Variants in PCSK2 observed in about 807,000 individuals in gnomAD.
PCSK2 encodes proprotein convertase subtilisin/kexin type 2, also known as neuroendocrine convertase 2.
A neutral mutation model predicts 69.7 loss-of-function variants in PCSK2; 14 were observed. The observed-to-expected ratio is 0.20, with a 90% CI of 0.13 to 0.31. The LOEUF is 0.31. PCSK2 is among the 10% of genes least tolerant of loss of function. PCSK2 has a pLI of 1.00. For missense variants in PCSK2, 544 were observed against 842.5 expected, an observed-to-expected ratio of 0.65 and a Z score of 4.39; for synonymous variants, 307 against 320.7, an observed-to-expected ratio of 0.96 and a Z score of 0.46.
At chr20:17,467,407 A>G (rs2123404250) in intron 11 of PCSK2, among the ~76,000 whole-genome samples, 1 of 152,362 alleles carries the variant, frequency 6.6e-6, no homozygotes, top group African/African-American at 2.4e-5. Context: ...TTGTCAGCAC[A>G]TTAAGTAAAA....
At chr20:17,247,621 G>A (rs1385750638) in intron 1 of PCSK2, among the ~76,000 whole-genome samples, 1 of 152,134 alleles carries the variant, frequency 6.6e-6, no homozygotes, top group African/African-American at 2.4e-5. Context: ...CTGTTCTGAG[G>A]GTTCTGAATC....
intron 8 of PCSK2, among the ~76,000 whole-genome samples, chr20:17,448,580 T>C (rs1201851141): frequency 6.6e-6 from 1 of 152,026 alleles, no homozygotes; most frequent in African/African-American, 2.4e-5. Context: ...CTGGGCAAAA[T>C]ACTGTTTTGT....
intron 2 of PCSK2, among the ~76,000 whole-genome samples, chr20:17,331,231 T>G (rs1990197565): frequency 6.6e-6 from 1 of 152,228 alleles, no homozygotes; most frequent in South Asian, 2.1e-4. Context: ...TCACACTTCC[T>G]TCATAAAGTA....
intron 2 of PCSK2, among the ~76,000 whole-genome samples, chr20:17,347,491 C>T (rs998924655): frequency 2.0e-5 from 3 of 152,104 alleles, no homozygotes; most frequent in African/African-American, 7.2e-5. Flanking sequence ...GGGTTTCTCG[C>T]TTGATGAGCT....
At chr20:17,303,490 TATTTA>T (rs1307240193) in intron 2 of PCSK2, among the ~76,000 whole-genome samples, 108 of 52,520 alleles carry the variant, frequency 2.1e-3, no homozygotes, top group Non-Finnish European at 3.2e-3. Flanking sequence ...ATATATATTA[TATTTA>T]ATATAATATA....
At chr20:17,355,224 C>A (rs968062300) in intron 2 of PCSK2, among the ~76,000 whole-genome samples, 2 of 152,200 alleles carry the variant, frequency 1.3e-5, no homozygotes, top group African/African-American at 4.8e-5. Context: ...GCCATTCCTG[C>A]ACTGTTATTT....
At chr20:17,367,459 G>A (rs1343821792) in intron 4 of PCSK2, among the ~76,000 whole-genome samples, 1 of 152,226 alleles carries the variant, frequency 6.6e-6, no homozygotes, top group Non-Finnish European at 1.5e-5. Flanking sequence ...ATGTCACTTG[G>A]CTAAAGCCAC....
intron 2 of PCSK2, among the ~76,000 whole-genome samples, chr20:17,334,214 T>A (rs7273672): frequency 0.21 from 31,272 of 151,826 alleles, 3,702 homozygotes; most frequent in Middle Eastern, 0.3. Flanking sequence ...CAGTTTTGCC[T>A]GGAGGGAGCC....
chr20:17,433,883 T>C (rs1435228256), intron 7 of PCSK2, among the ~76,000 whole-genome samples: 12 of 70,932 alleles, frequency 1.7e-4, no homozygotes, highest in African/African-American at 6.0e-4. Flanking sequence ...CCTCCCCTCC[T>C]CCTCCCCCCC....
At chr20:17,288,708 C>T (rs1361298816) in intron 2 of PCSK2, among the ~76,000 whole-genome samples, 2 of 152,152 alleles carry the variant, frequency 1.3e-5, no homozygotes, top group East Asian at 1.9e-4. Flanking sequence ...CACAAGAAGA[C>T]GTAGGAGAGG....
chr20:17,311,406 A>G (rs1405075225), intron 2 of PCSK2, among the ~76,000 whole-genome samples: 1 of 152,120 alleles, frequency 6.6e-6, no homozygotes, highest in African/African-American at 2.4e-5. Context: ...GGCACCTATA[A>G]CCTGATTCTT....
intron 2 of PCSK2, among the ~76,000 whole-genome samples, chr20:17,300,319 T>G (rs1191670542): frequency 6.6e-6 from 1 of 152,324 alleles, no homozygotes; most frequent in East Asian, 1.9e-4. Flanking sequence ...TGGGCGCCTG[T>G]TACCCAGTGG....
At position 17,453,128 on chromosome 20, in the gene PCSK2, T is replaced by C. The variant is rs1795107961; in HGVS notation, c.886-614T>C. ...AATTGAATAAAAAAGAATATATACA[T>C]ATGCACACACACGTAAGATTTTTAT... On this transcript the variant is annotated intron_variant, in intron 8 of 11. Coordinates refer to ENST00000262545, the MANE Select transcript of PCSK2 (RefSeq NM_002594.5). The surrounding 1 kb of genome is among the most constrained non-coding windows in gnomAD (Gnocchi z 4.0). Among the ~76,000 whole-genome samples, 1 of 152,196 alleles carries C rather than the reference T, an allele frequency of 6.6e-6. No individual in the cohort carries two copies. The highest frequency in any genetic ancestry group is 1.5e-5 in the Non-Finnish European group (1 of 68,032).
chr20:17,463,685 A>G (rs1209530687), intron 10 of PCSK2: 1 of 132,818 alleles, frequency 7.5e-6, no homozygotes, highest in African/African-American at 2.9e-5. Context: ...CACACACATG[A>G]CAGGCCCCGG....
At chr20:17,441,880 G>C (rs1414602099) in intron 8 of PCSK2, among the ~76,000 whole-genome samples, 1 of 151,938 alleles carries the variant, frequency 6.6e-6, no homozygotes, top group Non-Finnish European at 1.5e-5. Flanking sequence ...TCATATGTTG[G>C]GGTCCTAATC....
chr20:17,469,740 G>C (rs1010924902), intron 11 of PCSK2, among the ~76,000 whole-genome samples: 1 of 152,144 alleles, frequency 6.6e-6, no homozygotes, highest in African/African-American at 2.4e-5. Context: ...ACTGATGACA[G>C]GAGGTTGGGA....
chr20:17,271,296 T>G (rs916551629), intron 2 of PCSK2, among the ~76,000 whole-genome samples: 1 of 152,086 alleles, frequency 6.6e-6, no homozygotes, highest in Non-Finnish European at 1.5e-5. Flanking sequence ...ATTCATCCAC[T>G]TCAAAGATAA....
At chr20:17,378,127 G>C (rs114665310) in intron 5 of PCSK2, among the ~76,000 whole-genome samples, 1,559 of 152,234 alleles carry the variant, frequency 0.01, 23 homozygotes, top group African/African-American at 0.036. Context: ...AATATGCTTA[G>C]TGCTAACCTG....
At chr20:17,476,841 A>T (rs942624437) in intron 11 of PCSK2, among the ~76,000 whole-genome samples, 3 of 152,204 alleles carry the variant, frequency 2.0e-5, no homozygotes, top group Admixed American at 2.0e-4. Flanking sequence ...AATCCAGGTT[A>T]TGGCCCTCAT....
Sources: gnomAD v4.1 joint callset for allele counts (sites outside exome capture counted in the v4.1 genomes callset) on GRCh38, gnomAD v4.1.1 for gene constraint, Gnocchi (gnomAD v3.1) non-coding constraint, MANE v1.5 for transcripts, NCBI Gene and HGNC (gene_info 2026-07-23, HGNC 2026-07-21) for gene names.